The following FOXK2 variants were observed in gnomAD, a reference collection of about 807,000 sequenced individuals.
FOXK2 encodes forkhead box protein K2.
Under a neutral mutation model 53.3 loss-of-function variants are expected in FOXK2, and 24 were observed. The ratio of observed to expected loss-of-function variants is 0.45; its 90% CI spans 0.33 to 0.63. The LOEUF (loss-of-function observed/expected upper bound fraction) is 0.63, where lower values mean the gene tolerates loss of function less well. FOXK2 is among the 30% of genes least tolerant of loss of function. The probability of loss-of-function intolerance (pLI) is 0.03; values close to 1 mark genes in which losing one functional copy is unlikely to be tolerated. For synonymous variants in FOXK2, 505 were observed against 407.1 expected (o/e 1.24, Z -2.89); for missense variants, 952 against 910.5 (o/e 1.05, Z -0.59).
At chr17:82,558,912 A>G (rs1319442011) in intron 1 of FOXK2, among the ~76,000 whole-genome samples, 3 of 151,560 alleles carry the variant, frequency 2.0e-5, no homozygotes, top group Non-Finnish European at 4.4e-5. Flanking sequence ...ACGCCTGGCT[A>G]GTTTTTTGTG....
intron 2 of FOXK2, among the ~76,000 whole-genome samples, 200 bp downstream of exon 2, chr17:82,563,748 TC>T (rs112039216): frequency 0.17 from 22,780 of 134,832 alleles, 3,007 homozygotes; most frequent in African/African-American, 0.27. Flanking sequence ...ATTTACTCAT[TC>T]CCTTTTTTTT....
At chr17:82,540,621 C>G (rs1027927335) in intron 1 of FOXK2, among the ~76,000 whole-genome samples, 4 of 152,174 alleles carry the variant, frequency 2.6e-5, no homozygotes, top group Non-Finnish European at 4.4e-5. Context: ...TCCTCCCACA[C>G]GCCTGCCCAC....
At chr17:82,531,705 G>A (rs2044473504) in intron 1 of FOXK2, among the ~76,000 whole-genome samples, 1 of 152,150 alleles carries the variant, frequency 6.6e-6, no homozygotes, top group African/African-American at 2.4e-5. Flanking sequence ...AAAGATAAAG[G>A]TACAGCTCTC....
At chr17:82,572,369 T>C (rs1012993479) in intron 4 of FOXK2, among the ~76,000 whole-genome samples, 5 of 152,188 alleles carry the variant, frequency 3.3e-5, no homozygotes, top group Non-Finnish European at 7.3e-5. Flanking sequence ...AAAAAACAGA[T>C]GAACGTGGTG....
At chr17:82,585,767 C>T in intron 6 of FOXK2, 137 bp from the exon 7 acceptor site, 1 of 806,008 alleles carries the variant, frequency 1.2e-6, no homozygotes, top group Non-Finnish European at 1.9e-6. Flanking sequence ...AGTAACTTTA[C>T]TATTGTGAGG....
intron 5 of FOXK2, 83 bp downstream of exon 5, chr17:82,583,017 A>T: frequency 9.9e-7 from 1 of 1,008,926 alleles, no homozygotes; most frequent in South Asian, 2.1e-5. Flanking sequence ...CCTTTTGAAA[A>T]TGAAGGAACT....
rs773243152 is a variant in FOXK2 at position 82,604,556 on chromosome 17, AAG to A, written c.*3058_*3059del. On this transcript the variant is annotated 3_prime_UTR_variant, in exon 9 of 9. Coordinates refer to ENST00000335255, the MANE Select transcript of FOXK2 (RefSeq NM_004514.4). The stretch of plus-strand genomic sequence containing the variant: ...TGTGCAAAGATTTGAAGTTTTAAAA[AAG>A]TACCAAGTTCCTGAAATTCAATAAA... 1 of 152,754 alleles carries A rather than the reference AAG, an allele frequency of 6.5e-6. No individual in the cohort carries two copies. Among genetic ancestry groups the A allele is most frequent in the East Asian group, 1.9e-4 (1 of 5,176 alleles). The allele number at this position is 152,754 out of a possible 1,614,324, so 9.5% of individuals were successfully genotyped here. A position where few individuals can be genotyped will look rare whatever the true frequency, so the allele number is the denominator to read the frequency against.
At chr17:82,570,178 C>T (rs1228973668) in intron 3 of FOXK2, among the ~76,000 whole-genome samples, 7 of 150,752 alleles carry the variant, frequency 4.6e-5, no homozygotes, top group South Asian at 2.1e-4. Flanking sequence ...GCCGAAATCG[C>T]GCCACTGCAC....
intron 2 of FOXK2, among the ~76,000 whole-genome samples, chr17:82,567,115 C>A (rs1006408955): frequency 6.6e-5 from 10 of 152,134 alleles, no homozygotes; most frequent in East Asian, 1.9e-4. Flanking sequence ...TCCTCCCCCC[C>A]ACCTCTCCAT....
chr17:82,585,836 G>C (rs952713049), intron 6 of FOXK2, 68 bp from the exon 7 acceptor site: 1 of 1,504,256 alleles, frequency 6.6e-7, no homozygotes, highest in Non-Finnish European at 9.1e-7. Flanking sequence ...TGTCAGTGCT[G>C]AGTGTGAGAA....
intron 1 of FOXK2, among the ~76,000 whole-genome samples, chr17:82,530,607 T>A (rs1391261027): frequency 3.4e-5 from 5 of 146,740 alleles, no homozygotes; most frequent in South Asian, 2.2e-4. Context: ...TCCTCCCGGG[T>A]TCAAACAATT....
Position 82,601,389 on chromosome 17 carries a change from G to C in FOXK2, c.1873G>C (p.Glu625Gln). 1.2e-6 allele frequency: 2 copies of C among 1,613,360 alleles called. No individual in the cohort carries two copies. The highest frequency in any genetic ancestry group is 1.7e-6 in the Non-Finnish European group (2 of 1,180,030). ...PTKRHNGDQP[E>Q]QPELKRIKTE... ...AAAGCGCCACAACGGTGACCAGCCGGAGCAGCCGGAGCTGAAGCGGATCAA... is the reference window on the plus strand; with the variant it reads ...AAAGCGCCACAACGGTGACCAGCCGCAGCAGCCGGAGCTGAAGCGGATCAA... The change falls in exon 9 of 9, where the codon GAG becomes CAG. Residue 625 changes from glutamate (E) to glutamine (Q), a missense_variant. By Grantham distance (29) the Glu-to-Gln change is conservative. Transcript: ENST00000335255.
At chr17:82,577,687 G>A (rs1013486622) in intron 4 of FOXK2, among the ~76,000 whole-genome samples, 13 of 152,174 alleles carry the variant, frequency 8.5e-5, no homozygotes, top group Admixed American at 5.9e-4. Flanking sequence ...TTGAAAGGAC[G>A]GGCCTCTCAG....
chr17:82,554,738 G>GTTTTTTTT (rs78786521), intron 1 of FOXK2, among the ~76,000 whole-genome samples: 1 of 145,118 alleles, frequency 6.9e-6, no homozygotes. Flanking sequence ...ATCCAGTGAG[G>GTTTTTTTT]TTTTTTTTTT....
intron 1 of FOXK2, among the ~76,000 whole-genome samples, chr17:82,550,502 C>CT (rs1304088522): frequency 0.18 from 22,746 of 126,848 alleles, 2,600 homozygotes; most frequent in East Asian, 0.3. Flanking sequence ...CTGAGGCGGG[C>CT]TTTTTTTTTT....
chr17:82,550,436 T>C (rs1044381943), intron 1 of FOXK2, among the ~76,000 whole-genome samples: 1 of 151,122 alleles, frequency 6.6e-6, no homozygotes, highest in African/African-American at 2.4e-5. Flanking sequence ...TAAAGATAAA[T>C]GATTAGGGAT....
At chr17:82,585,839 T>C in intron 6 of FOXK2, 65 bp from the exon 7 acceptor site, 1 of 1,519,484 alleles carries the variant, frequency 6.6e-7, no homozygotes, top group Non-Finnish European at 9.0e-7. Flanking sequence ...CAGTGCTGAG[T>C]GTGAGAACCT....
chr17:82,562,996 G>A (rs1218187123), intron 1 of FOXK2, among the ~76,000 whole-genome samples: 1 of 151,986 alleles, frequency 6.6e-6, no homozygotes, highest in East Asian at 1.9e-4. Context: ...TTGTAGAGGT[G>A]GGGTCTTGCT....
intron 1 of FOXK2, chr17:82,559,287 G>C (rs2044767084): frequency 2.3e-6 from 1 of 441,712 alleles, no homozygotes; most frequent in Middle Eastern, 5.1e-4. Flanking sequence ...TTGCGCGGTT[G>C]GTGCTCGCTG....
Sources: gnomAD v4.1 joint callset for allele counts (sites outside exome capture counted in the v4.1 genomes callset) on GRCh38, gnomAD v4.1.1 for gene constraint, MANE v1.5 for transcripts, NCBI Gene and HGNC (gene_info 2026-07-23, HGNC 2026-07-21) for gene names.